The following PTPRG variants were observed in gnomAD, a reference collection of about 807,000 sequenced individuals.
PTPRG encodes the protein receptor-type tyrosine-protein phosphatase gamma.
Under a neutral mutation model 165.3 loss-of-function variants are expected in PTPRG, and 102 were observed. The observed-to-expected ratio is 0.62, with a 90% CI of 0.53 to 0.73. The LOEUF (loss-of-function observed/expected upper bound fraction) is 0.73. Among genes scored for constraint, PTPRG ranks in the 30% least tolerant of loss-of-function variants. The pLI is 0.00. For missense variants in PTPRG, 1,866 were observed against 1,861.4 expected (o/e 1.00, Z -0.05); for synonymous variants, 675 against 669.5 (o/e 1.01, Z -0.13).
intron 2 of PTPRG, among the ~76,000 whole-genome samples, chr3:61,856,443 A>G (rs1178848018): frequency 6.6e-6 from 1 of 152,180 alleles, no homozygotes; most frequent in African/African-American, 2.4e-5. Context: ...TTACATGGAA[A>G]CGAAGCCCAC....
At chr3:62,177,670 A>G (rs1363531640) in intron 8 of PTPRG, among the ~76,000 whole-genome samples, 1 of 152,082 alleles carries the variant, frequency 6.6e-6, no homozygotes, top group Non-Finnish European at 1.5e-5. Flanking sequence ...ACTTCAGTCC[A>G]GCAGCCATTC....
At chr3:61,794,844 G>A (rs981493886) in intron 2 of PTPRG, among the ~76,000 whole-genome samples, 1 of 151,996 alleles carries the variant, frequency 6.6e-6, no homozygotes. Context: ...AAGGAATTTA[G>A]GTGTGTTTTA....
chr3:62,282,195 C>T (rs901325945), intron 27 of PTPRG, among the ~76,000 whole-genome samples: 1 of 151,840 alleles, frequency 6.6e-6, no homozygotes, highest in African/African-American at 2.4e-5. Context: ...TTTATTGTCA[C>T]TTGAAATTTT....
intron 2 of PTPRG, among the ~76,000 whole-genome samples, chr3:61,891,602 A>C (rs552055533): frequency 6.6e-6 from 1 of 152,356 alleles, no homozygotes; most frequent in East Asian, 1.9e-4. Flanking sequence ...CTTTAAGGTC[A>C]AGAATGTTGT....
intron 2 of PTPRG, among the ~76,000 whole-genome samples, chr3:61,929,601 G>T (rs1004614109): frequency 6.6e-6 from 1 of 152,200 alleles, no homozygotes; most frequent in South Asian, 2.1e-4. Flanking sequence ...AAGAAGTGAT[G>T]AATTAAATTG....
chr3:62,182,257 G>GTTGTTCAAGGGTCACCTGTA (rs1487003177), intron 8 of PTPRG, among the ~76,000 whole-genome samples: 2 of 152,154 alleles, frequency 1.3e-5, no homozygotes, highest in Non-Finnish European at 2.9e-5. Context: ...TCGAACCTGT[G>GTTGTTCAAGGGTCACCTGTA]TTGTTCAAGG....
At chr3:61,839,327 T>C (rs1024536126) in intron 2 of PTPRG, among the ~76,000 whole-genome samples, 12 of 152,224 alleles carry the variant, frequency 7.9e-5, no homozygotes, top group African/African-American at 2.9e-4. Flanking sequence ...TTATTTTAGA[T>C]GCACAGAATG....
chr3:62,195,977 C>CG lies in PTPRG; in HGVS notation c.1327+812dup, dbSNP rs1320450203. 6.6e-6 allele frequency among the ~76,000 whole-genome samples: 1 copy of CG among 151,136 alleles called. No homozygotes were observed. Among genetic ancestry groups the CG allele is most frequent in the South Asian group, 2.1e-4 (1 of 4,712 alleles). ...TAATTTTTTGTATTTTTACTAGAGACGGGGGTTTCACCATGTTGGCCAGGC... is the reference window on the plus strand; with the variant it reads ...TAATTTTTTGTATTTTTACTAGAGACGGGGGGTTTCACCATGTTGGCCAGGC... On this transcript the variant is annotated intron_variant, in intron 10 of 29. Coordinates refer to ENST00000474889, the MANE Select transcript of PTPRG (RefSeq NM_002841.4). The surrounding 1 kb of genome is among the most constrained non-coding windows in gnomAD (Gnocchi z 4.4).
intron 26 of PTPRG, among the ~76,000 whole-genome samples, chr3:62,281,009 C>T (rs2148887420): frequency 6.6e-6 from 1 of 152,066 alleles, no homozygotes; most frequent in South Asian, 2.1e-4. Flanking sequence ...TTTAGCTGTT[C>T]CTGCCACAAA....
At chr3:61,581,357 C>T (rs1368763575) in intron 1 of PTPRG, among the ~76,000 whole-genome samples, 1 of 152,190 alleles carries the variant, frequency 6.6e-6, no homozygotes, top group Non-Finnish European at 1.5e-5. Context: ...AAGGTCAAAT[C>T]AGCGGTCTTT....
chr3:62,125,959 C>A (rs183194675), intron 5 of PTPRG, among the ~76,000 whole-genome samples: 1 of 152,266 alleles, frequency 6.6e-6, no homozygotes, highest in African/African-American at 2.4e-5. Flanking sequence ...CATGCGGGCC[C>A]CCACGGGAGT....
chr3:61,917,644 C>T (rs2038973337), intron 2 of PTPRG, among the ~76,000 whole-genome samples: 1 of 152,118 alleles, frequency 6.6e-6, no homozygotes, highest in South Asian at 2.1e-4. Context: ...AGAATCCAAG[C>T]AAAGGCGGGG....
At position 62,255,444 on chromosome 3, in the gene PTPRG, CTT is replaced by C. The variant is rs745801881; in HGVS notation, c.2559+230_2559+231del. Among the ~76,000 whole-genome samples the C allele has an allele frequency of 9.2e-5, 14 of 151,758 alleles. No individual in the cohort carries two copies. The highest frequency in any genetic ancestry group is 2.1e-4 in the Non-Finnish European group (14 of 68,036). ...ATATGTATTTCTACAAAAGAACCGA[CTT>C]AGTGATAGAAAAGAAGCAAACTGGT... On this transcript the variant is annotated intron_variant, in intron 16 of 29. Coordinates refer to ENST00000474889, the MANE Select transcript of PTPRG (RefSeq NM_002841.4). This position sits in a 1 kb window ranked among gnomAD's most constrained non-coding sequence, Gnocchi z 4.0.
At chr3:61,938,386 C>A (rs1311891168) in intron 2 of PTPRG, among the ~76,000 whole-genome samples, 4 of 152,104 alleles carry the variant, frequency 2.6e-5, no homozygotes, top group Non-Finnish European at 5.9e-5. Flanking sequence ...TAGTAACTTT[C>A]TGATCTGGAA....
At chr3:61,862,398 T>G (rs2037294899) in intron 2 of PTPRG, among the ~76,000 whole-genome samples, 1 of 132,952 alleles carries the variant, frequency 7.5e-6, no homozygotes, top group Admixed American at 7.5e-5. Flanking sequence ...TTTTTTTTTT[T>G]GAGATGGAAT....
rs1437856530 is a variant in PTPRG, at chr3:62,255,756, A to C, written c.2559+541A>C. 6.6e-5 allele frequency among the ~76,000 whole-genome samples: 10 copies of C among 152,338 alleles called. No individual in the cohort carries two copies. The East Asian group carries it at 1.9e-3, about 29-fold the overall frequency. ...AAAATAAATGATTAACATCTTTAAA[A>C]GTGCCAAGTTCATTGTTAAGAACCA... On this transcript the variant is annotated intron_variant, in intron 16 of 29. Transcript: ENST00000474889. The surrounding 1 kb of genome is among the most constrained non-coding windows in gnomAD (Gnocchi z 4.0).
At chr3:61,716,710 C>T (rs533846880) in intron 1 of PTPRG, among the ~76,000 whole-genome samples, 1 of 152,328 alleles carries the variant, frequency 6.6e-6, no homozygotes, top group African/African-American at 2.4e-5. Context: ...TGTTGGCTCA[C>T]GCCTGTAATC....
chr3:61,967,275 T>A (rs536893110), intron 2 of PTPRG, among the ~76,000 whole-genome samples: 6 of 152,332 alleles, frequency 3.9e-5, no homozygotes, highest in Admixed American at 3.9e-4. Flanking sequence ...GGCCTCTGAT[T>A]GTGATTTGAT....
chr3:61,595,773 A>G (rs934410850), intron 1 of PTPRG, among the ~76,000 whole-genome samples: 2 of 152,214 alleles, frequency 1.3e-5, no homozygotes, highest in Non-Finnish European at 1.5e-5. Context: ...TAGCTAAGAA[A>G]TCTATCTAGT....
Sources: allele counts gnomAD v4.1 joint callset (sites outside exome capture counted in the v4.1 genomes callset), GRCh38; gene constraint gnomAD v4.1.1; non-coding constraint Gnocchi (gnomAD v3.1); transcripts MANE v1.5; gene names NCBI Gene and HGNC (gene_info 2026-07-23, HGNC 2026-07-21).